The following INPP5J variants were observed in gnomAD, a reference collection of about 807,000 sequenced individuals.
INPP5J encodes inositol polyphosphate-5-phosphatase J.
In INPP5J, 75 loss-of-function variants were observed where a neutral mutation model predicts 86.6. The ratio of observed to expected loss-of-function variants is 0.87; its 90% CI spans 0.72 to 1.05. The LOEUF (loss-of-function observed/expected upper bound fraction) is 1.05, where lower values mean the gene tolerates loss of function less well. Ranked by LOEUF, INPP5J falls within the 50% of genes least tolerant of loss-of-function variation. The probability of loss-of-function intolerance (pLI) is 0.00; values close to 1 mark genes in which losing one functional copy is unlikely to be tolerated. For synonymous variants in INPP5J, 540 were observed against 550.0 expected, an observed-to-expected ratio of 0.98 and a Z score of 0.25; for missense variants, 1,229 against 1,341.2, an observed-to-expected ratio of 0.92 and a Z score of 1.31.
chr22:31,134,321 G>A lies in INPP5J; in HGVS notation c.2923G>A (p.Gly975Ser). ...AGAGACTGTAGACCCTGGTGGTGGTGGCTCCTGGGGACCTGATCGGGAGGC... is the reference window on the plus strand; with the variant it reads ...AGAGACTGTAGACCCTGGTGGTGGTAGCTCCTGGGGACCTGATCGGGAGGC... ...RLETVDPGGGGSWGPDREALA... is the reference protein window; with the variant it reads ...RLETVDPGGGSSWGPDREALA... The change falls in exon 13 of 13, where the codon GGC becomes AGC. Residue 975 changes from glycine to serine, a missense_variant. Gly to Ser is a moderately conservative substitution (Grantham distance 56). Transcript: ENST00000331075. 6.4e-7 allele frequency: 1 copy of A among 1,552,392 alleles called. No homozygotes were observed. Among genetic ancestry groups the A allele is most frequent in the Non-Finnish European group, 8.7e-7 (1 of 1,149,310 alleles).
intron 7 of INPP5J, 50 bp downstream of exon 7, chr22:31,128,112 T>C (rs1305540447): frequency 6.7e-7 from 1 of 1,482,262 alleles, no homozygotes; most frequent in Non-Finnish European, 9.4e-7. Context: ...AGGACACGCC[T>C]GTACCTTAGA....
chr22:31,129,170 T>C (rs1287650982), intron 9 of INPP5J, among the ~76,000 whole-genome samples: 1 of 145,452 alleles, frequency 6.9e-6, no homozygotes, highest in African/African-American at 2.5e-5. Flanking sequence ...GACCTCCTGA[T>C]CCACCCACCT....
rs958070050 is a variant in INPP5J, at chr22:31,125,712, C to T, written c.973C>T (p.Pro325Ser). 1.3e-6 allele frequency: 2 copies of T among 1,550,930 alleles called. No individual in the cohort carries two copies. Among genetic ancestry groups the T allele is most frequent in the Non-Finnish European group, 1.7e-6 (2 of 1,146,772 alleles). The change falls in exon 2 of 13, where the codon CCC (proline) becomes TCC (serine). Residue 325 changes from proline (P) to serine (S), a missense_variant. By Grantham distance (74) the Pro-to-Ser change is moderately conservative. Transcript: ENST00000331075. ...CACTCACTCCCCTGGACTTCTGTCC[C>T]CCACCTTCCGGCCTGGGGCCCCCTC... ...PGTHSPGLLSPTFRPGAPSGQ... is the reference protein window; with the variant it reads ...PGTHSPGLLSSTFRPGAPSGQ...
In INPP5J at chr22:31,125,809, A is replaced by T; in HGVS notation, c.1070A>T (p.Asn357Ile). 1 of 1,594,104 alleles carries T rather than the reference A, an allele frequency of 6.3e-7. No individual in the cohort carries two copies. Among genetic ancestry groups the T allele is most frequent in the African/African-American group, 1.3e-5 (1 of 74,276 alleles). The change falls in exon 2 of 13, where the codon AAT becomes ATT. Residue 357 changes from asparagine to isoleucine, a missense_variant. Transcript: ENST00000331075. ...SPSRSPSHSP[N>I]RSPCVPPAPD... ...AGCCGTTCCCCAAGCCACTCCCCGA[A>T]TCGCTCTCCCTGTGTTCCCCCAGCC...
chr22:31,124,390 C>A, intron 1 of INPP5J: 1 of 814,500 alleles, frequency 1.2e-6, no homozygotes, highest in Non-Finnish European at 1.5e-6. Context: ...AGGTCTGTAT[C>A]TTGACAATAG....
rs1921303479 is a variant in INPP5J at position 31,125,598 on chromosome 22, G to T, written c.859G>T (p.Ala287Ser). 3 of 1,550,362 alleles carry T rather than the reference G, an allele frequency of 1.9e-6. No individual in the cohort carries two copies. The highest frequency in any genetic ancestry group is 2.0e-5 in the Admixed American group (1 of 50,990). Residue 287 changes from alanine to serine, a missense_variant, in exon 2 of 13, where the codon GCC becomes TCC. By Grantham distance (99) the Ala-to-Ser change is moderately conservative. Transcript: ENST00000331075. The stretch of plus-strand genomic sequence containing the variant: ...CCCCTCCTTCCGAGCCCGGCCTGAG[G>T]CCCTCCACAGCAGCCCTGAGGATCC... ...LSPSFRARPE[A>S]LHSSPEDPVL...
chr22:31,134,117 C>T lies in INPP5J; in HGVS notation c.2719C>T (p.Arg907Cys), dbSNP rs1167976540. ...LALRPSSRER[R>C]GASRSPSPQS... ...CCTACGGCCCTCATCCCGTGAACGCCGTGGTGCCAGCCGTAGCCCCTCACC... is the reference window on the plus strand; with the variant it reads ...CCTACGGCCCTCATCCCGTGAACGCTGTGGTGCCAGCCGTAGCCCCTCACC... Residue 907 changes from arginine to cysteine, a missense_variant, in exon 13 of 13, where the codon CGT becomes TGT. Coordinates refer to ENST00000331075, the MANE Select transcript of INPP5J (RefSeq NM_001284285.2). 12 of 1,551,444 alleles carry T rather than the reference C, an allele frequency of 7.7e-6. No homozygotes were observed. Among genetic ancestry groups the T allele is most frequent in the South Asian group, 3.6e-5 (3 of 84,168 alleles).
rs1456218054 is a variant in INPP5J at position 31,125,924 on chromosome 22, C to T, written c.1185C>T (p.Ala395=). Reference sequence around the variant, plus strand: ...ACCTTCAGGCCCAAGAAGCCCCAGCCCCAGTCACCACCTCCTCTTCTACAT... The same window carrying T: ...ACCTTCAGGCCCAAGAAGCCCCAGCTCCAGTCACCACCTCCTCTTCTACAT... ...SPNLQAQEAP[A]PVTTSSSTST... The change falls in exon 2 of 13, where the codon GCC becomes GCT. Residue 395 remains alanine, a synonymous_variant. Coordinates refer to ENST00000331075, the MANE Select transcript of INPP5J (RefSeq NM_001284285.2). The T allele has an allele frequency of 3.2e-5, 51 of 1,613,460 alleles. No individual in the cohort carries two copies. Among genetic ancestry groups the T allele is most frequent in the Non-Finnish European group, 4.1e-5 (48 of 1,179,658 alleles).
At chr22:31,123,307 A>C (rs968465587) in intron 1 of INPP5J, among the ~76,000 whole-genome samples, 188 bp downstream of exon 1, 1 of 152,110 alleles carries the variant, frequency 6.6e-6, no homozygotes, top group Non-Finnish European at 1.5e-5. Context: ...GCCCGGAGAC[A>C]GATGAAGTTA....
chr22:31,125,518 C>G lies in INPP5J; in HGVS notation c.779C>G (p.Ser260Cys), dbSNP rs1199582003. ...CATCTCCAGCCTCCAGCTCAGACAT[C>G]TGGTCCTACAGGCTCCCCACCCTGC... ...EGHLQPPAQT[S>C]GPTGSPPCIQ... is the part of the protein sequence containing the mutation. Residue 260 changes from serine to cysteine, a missense_variant, in exon 2 of 13, where the codon TCT (serine) becomes TGT (cysteine). Coordinates refer to ENST00000331075, the MANE Select transcript of INPP5J (RefSeq NM_001284285.2). 1 of 1,550,602 alleles carries G rather than the reference C, an allele frequency of 6.4e-7. No homozygotes were observed. The highest frequency in any genetic ancestry group is 8.7e-7 in the Non-Finnish European group (1 of 1,146,980).
In INPP5J at chr22:31,126,564, T is replaced by A. The variant is rs761662416; in HGVS notation, c.1386-49T>A. The A allele has an allele frequency of 5.0e-6, 8 of 1,600,284 alleles. No homozygotes were observed. In the African/African-American group the frequency reaches 1.1e-4, roughly 21 times the overall value. On this transcript the variant is annotated intron_variant, in intron 3 of 12. Transcript: ENST00000331075. ...GGGCCCTCCACCCATGGCAGGGGCT[T>A]CCAGGGCACCTCTCCAATCCCATGG...
Position 31,133,613 on chromosome 22 carries a change from A to C in INPP5J, c.2413A>C (p.Thr805Pro). The change falls in exon 12 of 13, where the codon ACA becomes CCA. Residue 805 changes from threonine to proline, a missense_variant. Physicochemically the swap from Thr to Pro is conservative, Grantham distance 38. Coordinates refer to ENST00000331075, the MANE Select transcript of INPP5J (RefSeq NM_001284285.2). ...EDVDGNTYQV[T>P]FSEESLPKGH... ...CTTATACCCCTGGGCCTACCAGGTA[A>C]CATTCAGTGAGGAATCACTGCCCAA... The C allele has an allele frequency of 1.2e-6, 2 of 1,610,324 alleles. No individual in the cohort carries two copies. The highest frequency in any genetic ancestry group is 1.7e-6 in the Non-Finnish European group (2 of 1,177,884).
chr22:31,132,950 A>T (rs1680628015), intron 9 of INPP5J, 148 bp from the exon 10 acceptor site: 1 of 1,051,224 alleles, frequency 9.5e-7, no homozygotes. Context: ...CTTGGTATTT[A>T]TACTAGACCT....
At position 31,134,382 on chromosome 22, in the gene INPP5J, G is replaced by A; in HGVS notation, c.2984G>A (p.Gly995Asp). ...AACAGCCTGTCTCCTAGTCCCCAGG[G>A]CCATCGGGGGCTGGAGGAAGGGGGC... is the stretch of plus-strand genomic sequence containing the variant. Reference protein sequence around the residue: ...APNSLSPSPQGHRGLEEGGLG... With the variant: ...APNSLSPSPQDHRGLEEGGLG... Residue 995 changes from glycine (G) to aspartate (D), a missense_variant, in exon 13 of 13, where the codon GGC (glycine) becomes GAC (aspartate). By Grantham distance (94) the Gly-to-Asp change is moderately conservative. Transcript: ENST00000331075. The A allele has an allele frequency of 6.7e-7, 1 of 1,481,828 alleles. No homozygotes were observed. Among genetic ancestry groups the A allele is most frequent in the Non-Finnish European group, 9.0e-7 (1 of 1,114,694 alleles). 91.8% of individuals were successfully genotyped at this position (1,481,828 alleles called of 1,614,324 possible). A position where few individuals can be genotyped will look rare whatever the true frequency, so the allele number is the denominator to read the frequency against.
In INPP5J at chr22:31,125,868, A is replaced by C; in HGVS notation, c.1129A>C (p.Ser377Arg). The change falls in exon 2 of 13, where the codon AGT becomes CGT. Residue 377 changes from serine to arginine, a missense_variant. Ser to Arg is a moderately radical substitution (Grantham distance 110). Transcript: ENST00000331075. ...GGCCCTCCCAAGGCTTGGCACACAGAGTACAGGGCCTGGCAGGTGCCTGAG... is the reference window on the plus strand; with the variant it reads ...GGCCCTCCCAAGGCTTGGCACACAGCGTACAGGGCCTGGCAGGTGCCTGAG... Reference protein sequence around the residue: ...DMALPRLGTQSTGPGRCLSPN... With the variant: ...DMALPRLGTQRTGPGRCLSPN... The C allele has an allele frequency of 6.2e-7, 1 of 1,611,376 alleles. No individual in the cohort carries two copies. Among genetic ancestry groups the C allele is most frequent in the South Asian group, 1.1e-5 (1 of 90,758 alleles).
At chr22:31,127,703 G>T (rs1358400379) in intron 6 of INPP5J, 171 bp downstream of exon 6, 5 of 769,914 alleles carry the variant, frequency 6.5e-6, no homozygotes, top group Non-Finnish European at 1.0e-5. Flanking sequence ...GAGGGGCGGA[G>T]CTTGTAGGGT....
chr22:31,125,160 G>T lies in INPP5J; in HGVS notation c.421G>T (p.Val141Leu). 6.4e-7 allele frequency: 1 copy of T among 1,550,424 alleles called. No individual in the cohort carries two copies. ...SVLAPTSLGL[V>L]MPASAGPRSP... is the part of the protein sequence containing the mutation. ...TCTGGCTCCGACGTCCCTGGGGCTG[G>T]TGATGCCTGCCTCAGCAGGGCCAAG... Residue 141 changes from valine (V) to leucine (L), a missense_variant, in exon 2 of 13, where the codon GTG becomes TTG. Physicochemically the swap from Val to Leu is conservative, Grantham distance 32 (BLOSUM62 1). Coordinates refer to ENST00000331075, the MANE Select transcript of INPP5J (RefSeq NM_001284285.2).
At position 31,134,508 on chromosome 22, in the gene INPP5J, C is replaced by A; in HGVS notation, c.*89C>A. The A allele has an allele frequency of 7.6e-7, 1 of 1,313,944 alleles. No homozygotes were observed. The highest frequency in any genetic ancestry group is 1.0e-6 in the Non-Finnish European group (1 of 996,388). 81.4% of individuals were successfully genotyped at this position (1,313,944 alleles called of 1,614,324 possible). A position where few individuals can be genotyped will look rare whatever the true frequency, so the allele number is the denominator to read the frequency against. On this transcript the variant is annotated 3_prime_UTR_variant, in exon 13 of 13. Coordinates refer to ENST00000331075, the MANE Select transcript of INPP5J (RefSeq NM_001284285.2). Reference sequence around the variant, plus strand: ...TGCCTCTCTCCTGCTGCTCCTCCAGCTGTATCTGCACCTGCCTCTCTGTCC... The same window carrying A: ...TGCCTCTCTCCTGCTGCTCCTCCAGATGTATCTGCACCTGCCTCTCTGTCC...
chr22:31,125,967 C>T lies in INPP5J; in HGVS notation c.1228C>T (p.Pro410Ser), dbSNP rs1320229373. The T allele has an allele frequency of 1.2e-6, 2 of 1,603,002 alleles. No individual in the cohort carries two copies. The highest frequency in any genetic ancestry group is 1.1e-5 in the South Asian group (1 of 90,540). Reference protein sequence around the residue: ...SSSTSTLSSSPWSAQPTWKSD... With the variant: ...SSSTSTLSSSSWSAQPTWKSD... Reference sequence around the variant, plus strand: ...TTCTACATCCACCCTGTCATCCTCCCCTTGGTCAGCTCAGCCTACCTGGAA... The same window carrying T: ...TTCTACATCCACCCTGTCATCCTCCTCTTGGTCAGCTCAGCCTACCTGGAA... Residue 410 changes from proline (P) to serine (S), a missense_variant, in exon 2 of 13, where the codon CCT becomes TCT. By Grantham distance (74) the Pro-to-Ser change is moderately conservative. Coordinates refer to ENST00000331075, the MANE Select transcript of INPP5J (RefSeq NM_001284285.2).
Sources: allele counts gnomAD v4.1 joint callset (sites outside exome capture counted in the v4.1 genomes callset), GRCh38; gene constraint gnomAD v4.1.1; transcripts MANE v1.5; gene names NCBI Gene and HGNC (gene_info 2026-07-23, HGNC 2026-07-21).